The following ZZZ3 variants were observed in gnomAD, a reference collection of about 807,000 sequenced individuals.
The protein encoded by ZZZ3 is zinc finger ZZ-type containing 3.
Under a neutral mutation model 95.2 loss-of-function variants are expected in ZZZ3, and 22 were observed. The ratio of observed to expected loss-of-function variants is 0.23; its 90% CI spans 0.17 to 0.33. ZZZ3 has a LOEUF of 0.33. Ranked by LOEUF, ZZZ3 falls within the 10% of genes least tolerant of loss-of-function variation. The pLI, the probability that ZZZ3 is intolerant of heterozygous loss-of-function variation, is 1.00. For missense variants in ZZZ3, 885 were observed against 1,066.5 expected, an observed-to-expected ratio of 0.83 and a Z score of 2.37; for synonymous variants, 335 against 358.9, an observed-to-expected ratio of 0.93 and a Z score of 0.75.
intron 4 of ZZZ3, among the ~76,000 whole-genome samples, chr1:77,636,351 G>A (rs1036750705): frequency 6.6e-6 from 1 of 152,040 alleles, no homozygotes; most frequent in African/African-American, 2.4e-5. Flanking sequence ...AGACTATTTT[G>A]GATGAAATGA....
intron 13 of ZZZ3, among the ~76,000 whole-genome samples, chr1:77,567,975 G>T (rs1253704368): frequency 1.3e-5 from 2 of 152,032 alleles, no homozygotes; most frequent in Middle Eastern, 3.2e-3. Flanking sequence ...AAATGAATGG[G>T]ATAAAAGATA....
intron 12 of ZZZ3, among the ~76,000 whole-genome samples, chr1:77,569,428 T>C (rs1001274792): frequency 8.5e-5 from 13 of 152,334 alleles, no homozygotes; most frequent in African/African-American, 3.1e-4. Context: ...TTCCGAACTT[T>C]TAGATACATA....
At chr1:77,675,866 C>G (rs768824279) in intron 1 of ZZZ3, among the ~76,000 whole-genome samples, 1 of 152,088 alleles carries the variant, frequency 6.6e-6, no homozygotes, top group Non-Finnish European at 1.5e-5. Flanking sequence ...ATTAAAAATG[C>G]TCTTTGACAT....
chr1:77,568,565 C>G, intron 12 of ZZZ3, 99 bp from the exon 13 acceptor site: 1 of 604,708 alleles, frequency 1.7e-6, no homozygotes, highest in Non-Finnish European at 2.5e-6. Flanking sequence ...TGATATTTTT[C>G]ATTTTTAAAA....
At chr1:77,667,624 T>C (rs1452346048) in intron 1 of ZZZ3, among the ~76,000 whole-genome samples, 7 of 152,144 alleles carry the variant, frequency 4.6e-5, no homozygotes, top group African/African-American at 7.2e-5. Flanking sequence ...ATACATTACA[T>C]AGATTGTGAA....
intron 4 of ZZZ3, among the ~76,000 whole-genome samples, chr1:77,635,419 T>C (rs1373195866): frequency 1.3e-5 from 2 of 152,204 alleles, no homozygotes; most frequent in Non-Finnish European, 2.9e-5. Context: ...TAGAAACACA[T>C]TTCTTACAGT....
intron 5 of ZZZ3, among the ~76,000 whole-genome samples, chr1:77,621,649 C>T (rs1225316217): frequency 6.6e-6 from 1 of 151,654 alleles, no homozygotes; most frequent in African/African-American, 2.4e-5. Flanking sequence ...AACCCCATCT[C>T]TACAAGAAAA....
intron 1 of ZZZ3, among the ~76,000 whole-genome samples, chr1:77,672,171 A>G (rs1477100172): frequency 1.3e-5 from 2 of 152,218 alleles, no homozygotes; most frequent in Non-Finnish European, 2.9e-5. Context: ...AGATTCTGAT[A>G]TTCAGAATCT....
At chr1:77,653,104 T>C (rs1245980296) in intron 1 of ZZZ3, among the ~76,000 whole-genome samples, 1 of 152,156 alleles carries the variant, frequency 6.6e-6, no homozygotes, top group Non-Finnish European at 1.5e-5. Context: ...AGAGGACTGC[T>C]TGAGCCTGGG....
chr1:77,566,771 T>C (rs944589392), intron 13 of ZZZ3, among the ~76,000 whole-genome samples: 1 of 152,226 alleles, frequency 6.6e-6, no homozygotes, highest in Non-Finnish European at 1.5e-5. Context: ...ATGCCCATCA[T>C]GTCAAAAAGG....
rs146713582 is a variant in ZZZ3 at position 77,607,222 on chromosome 1, T to C, written c.1506-22567A>G. Among the ~76,000 whole-genome samples the C allele has an allele frequency of 6.9e-3, 1,046 of 152,270 alleles. 12 individuals carry two copies. Among genetic ancestry groups the C allele is most frequent in the African/African-American group, 0.023 (969 of 41,540 alleles). On this transcript the variant is annotated intron_variant, in intron 5 of 14. Transcript: ENST00000370801. ...CAAAGTCACGTCTTACATGGGGGCA[T>C]GCAAAAGGACTTGTGCAGGGGAATG...
rs570826038 is a variant in ZZZ3, at chr1:77,571,956, T to A, written c.2332-3490A>T. On this transcript the variant is annotated intron_variant, in intron 12 of 14. Transcript: ENST00000370801. Reference sequence around the variant, plus strand: ...TATTTCACCAAAATTAAAAGAAAAATTTTTTAAAGCCTCATAGATTTCCTA... The same window carrying A: ...TATTTCACCAAAATTAAAAGAAAAAATTTTTAAAGCCTCATAGATTTCCTA... Among the ~76,000 whole-genome samples the A allele has an allele frequency of 8.5e-4, 130 of 152,172 alleles. 1 individual carries two copies. Among genetic ancestry groups the A allele is most frequent in the Admixed American group, 8.0e-3 (122 of 15,284 alleles).
At chr1:77,566,285 T>C in intron 13 of ZZZ3, 104 bp from the exon 14 acceptor site, 1 of 736,008 alleles carries the variant, frequency 1.4e-6, no homozygotes, top group Non-Finnish European at 2.2e-6. Flanking sequence ...TCTTCTCTTC[T>C]CTCTCCATGC....
intron 5 of ZZZ3, among the ~76,000 whole-genome samples, chr1:77,611,752 G>A (rs760035913): frequency 6.6e-6 from 1 of 152,004 alleles, no homozygotes; most frequent in African/African-American, 2.4e-5. Flanking sequence ...TTCAATAAAC[G>A]ATGCTGGGGA....
intron 5 of ZZZ3, among the ~76,000 whole-genome samples, chr1:77,593,389 A>G (rs1307191033): frequency 6.6e-6 from 1 of 152,238 alleles, no homozygotes; most frequent in African/African-American, 2.4e-5. Flanking sequence ...ACATCTATTT[A>G]TATAAACACA....
chr1:77,652,909 C>T (rs763809461), intron 1 of ZZZ3, among the ~76,000 whole-genome samples: 2 of 152,162 alleles, frequency 1.3e-5, no homozygotes, highest in Non-Finnish European at 2.9e-5. Flanking sequence ...AGGCCAGGTG[C>T]AGTGGTTCAC....
At chr1:77,638,020 G>A (rs940655544) in intron 4 of ZZZ3, among the ~76,000 whole-genome samples, 8 of 152,240 alleles carry the variant, frequency 5.3e-5, no homozygotes, top group Non-Finnish European at 8.8e-5. Flanking sequence ...TGGGCAAAAC[G>A]CAATCTAACT....
intron 5 of ZZZ3, among the ~76,000 whole-genome samples, chr1:77,586,663 C>T (rs752816617): frequency 6.6e-6 from 1 of 152,020 alleles, no homozygotes; most frequent in South Asian, 2.1e-4. Context: ...TTAGTTAAGA[C>T]AAAATGATTA....
At chr1:77,590,441 C>G (rs970274641) in intron 5 of ZZZ3, among the ~76,000 whole-genome samples, 1 of 152,184 alleles carries the variant, frequency 6.6e-6, no homozygotes, top group Non-Finnish European at 1.5e-5. Flanking sequence ...TGGAACATAG[C>G]CACACTCATT....
Sources: allele counts gnomAD v4.1 joint callset (sites outside exome capture counted in the v4.1 genomes callset), GRCh38; gene constraint gnomAD v4.1.1; transcripts MANE v1.5; gene names NCBI Gene and HGNC (gene_info 2026-07-23, HGNC 2026-07-21).